The following UNC80 variants were observed in gnomAD, a reference collection of about 807,000 sequenced individuals.
The protein encoded by UNC80 is unc-80 subunit of NALCN channel complex, also known as protein unc-80 homolog.
UNC80 carries 164 observed loss-of-function variants against 384.6 expected under a neutral mutation model. That is an observed-to-expected ratio of 0.43 (90% CI 0.38 to 0.49). The LOEUF is 0.49. Among genes scored for constraint, UNC80 ranks in the 20% least tolerant of loss-of-function variants. The pLI is 0.00. For synonymous variants in UNC80, 1,486 were observed against 1,527.8 expected (o/e 0.97, Z 0.64); for missense variants, 3,330 against 4,143.0 (o/e 0.80, Z 5.39).
chr2:209,892,016 G>C (rs1318199311), intron 26 of UNC80, among the ~76,000 whole-genome samples: 1 of 152,172 alleles, frequency 6.6e-6, no homozygotes, highest in African/African-American at 2.4e-5. Flanking sequence ...GGAAATGTAT[G>C]CAAAGGGCAA....
chr2:209,939,713 TTA>T (rs2091498758), intron 43 of UNC80, 61 bp downstream of exon 43: 2 of 1,409,160 alleles, frequency 1.4e-6, no homozygotes, highest in Admixed American at 2.8e-5. Context: ...TTGTTTTTTT[TTA>T]AAATTTTATT....
At chr2:209,913,393 T>A (rs2089175334) in intron 30 of UNC80, among the ~76,000 whole-genome samples, 1 of 152,156 alleles carries the variant, frequency 6.6e-6, no homozygotes. Flanking sequence ...CACAATGGGC[T>A]TTTTCATCAG....
intron 25 of UNC80, among the ~76,000 whole-genome samples, chr2:209,882,087 C>T (rs1460144259): frequency 6.6e-6 from 1 of 151,684 alleles, no homozygotes; most frequent in East Asian, 1.9e-4. Flanking sequence ...CTGCCACAGC[C>T]TCCCGAGTAG....
At chr2:209,835,943 A>G (rs759698002) in intron 18 of UNC80, among the ~76,000 whole-genome samples, 5 of 152,208 alleles carry the variant, frequency 3.3e-5, no homozygotes, top group Non-Finnish European at 7.3e-5. Context: ...AGTAAACACA[A>G]ATTTGTGATA....
intron 35 of UNC80, among the ~76,000 whole-genome samples, chr2:209,925,851 A>C (rs1452831202): frequency 6.7e-6 from 1 of 149,936 alleles, no homozygotes; most frequent in East Asian, 1.9e-4. Flanking sequence ...TGACAGTATA[A>C]GTCTCTTAAC....
In UNC80 at chr2:209,904,963, G is replaced by T. The variant is rs1359092873; in HGVS notation, c.4780G>T (p.Glu1594Ter). The change falls in exon 29 of 65, where the codon GAA becomes TAA. Residue 1594 changes from glutamate (E) to a stop codon, truncating the protein, a stop_gained and splice_region_variant. Coordinates refer to ENST00000673920, the MANE Select transcript of UNC80 (RefSeq NM_001371986.1). LOFTEE classifies it high-confidence loss of function. Reference protein sequence around the residue: ...SVALRGKKQKECSDKSCLRTP... With the variant: ...SVALRGKKQK ...GGCTCTCCGGGGCAAGAAACAGAAA[G>T]AAGTAAGTAAATGACCATTGAATGA... The T allele has an allele frequency of 6.4e-7, 1 of 1,551,480 alleles. No homozygotes were observed. Among genetic ancestry groups the T allele is most frequent in the African/African-American group, 1.4e-5 (1 of 73,026 alleles).
chr2:209,980,429 G>A (rs1450038516), intron 59 of UNC80, among the ~76,000 whole-genome samples: 1 of 152,158 alleles, frequency 6.6e-6, no homozygotes, highest in Admixed American at 6.5e-5. Context: ...CTAACATACT[G>A]ATGAGGCAGC....
chr2:209,967,275 G>A (rs2092765818), intron 51 of UNC80, among the ~76,000 whole-genome samples, 162 bp from the exon 52 acceptor site: 1 of 152,102 alleles, frequency 6.6e-6, no homozygotes, highest in Admixed American at 6.5e-5. Flanking sequence ...CTGTTCTGAT[G>A]TGTGGGAGAG....
In UNC80 at chr2:209,880,956, C is replaced by A. The variant is rs376499490; in HGVS notation, c.3977-5C>A. ...TCCTTATGAAAGAACACTTTCATTT[C>A]CTAGGTACTGTGAACCCCTCTAAAT... is the stretch of plus-strand genomic sequence containing the variant. On this transcript the variant is annotated splice_polypyrimidine_tract_variant and splice_region_variant and intron_variant, in intron 24 of 64. Coordinates refer to ENST00000673920, the MANE Select transcript of UNC80 (RefSeq NM_001371986.1). The A allele has an allele frequency of 8.6e-5, 133 of 1,551,524 alleles. No homozygotes were observed. The African/African-American group carries it at 1.6e-3, about 19-fold the overall frequency.
rs546150230 is a variant in UNC80 at position 209,901,545 on chromosome 2, A to G, written c.4582-3220A>G. On this transcript the variant is annotated intron_variant, in intron 28 of 64. Transcript: ENST00000673920. Reference sequence around the variant, plus strand: ...CTGATGGAAGTGTGCAAGAAGATTAATGTTGCTTTCATGCCTGCTAATGCA... The same window carrying G: ...CTGATGGAAGTGTGCAAGAAGATTAGTGTTGCTTTCATGCCTGCTAATGCA... 2.0e-5 allele frequency among the ~76,000 whole-genome samples: 3 copies of G among 152,326 alleles called. No individual in the cohort carries two copies. In the South Asian group the frequency reaches 6.2e-4, roughly 32 times the overall value.
At chr2:209,995,280 C>T in intron 64 of UNC80, 49 bp from the exon 65 acceptor site, 3 of 1,540,326 alleles carry the variant, frequency 1.9e-6, no homozygotes, top group Non-Finnish European at 2.6e-6. Flanking sequence ...ATGTTCTTCT[C>T]TGGTACCCAT....
rs2091282917 is a variant in UNC80 at position 209,936,884 on chromosome 2, C to A, written c.6314C>A (p.Thr2105Lys). 3.2e-6 allele frequency: 5 copies of A among 1,550,976 alleles called. No homozygotes were observed. Among genetic ancestry groups the A allele is most frequent in the Non-Finnish European group, 4.4e-6 (5 of 1,146,406 alleles). The change falls in exon 41 of 65, where the codon ACA (threonine) becomes AAA (lysine). Residue 2105 changes from threonine to lysine, a missense_variant. Coordinates refer to ENST00000673920, the MANE Select transcript of UNC80 (RefSeq NM_001371986.1). Reference protein sequence around the residue: ...EFFNIPESQSTHYFLMDKRWN... With the variant: ...EFFNIPESQSKHYFLMDKRWN... ...TTTAATATCCCAGAATCCCAGTCAA[C>A]ACATTATTTTCTTATGGATAAACGA...
intron 7 of UNC80, chr2:209,809,343 G>T: frequency 1.2e-6 from 1 of 832,468 alleles, no homozygotes. Flanking sequence ...AAACCTGCGG[G>T]AAGGCCTTCT....
chr2:209,982,419 A>G (rs1356737788), intron 60 of UNC80, 102 bp downstream of exon 60: 10 of 1,353,336 alleles, frequency 7.4e-6, no homozygotes, highest in Non-Finnish European at 9.7e-6. Context: ...AGAAGCAAGC[A>G]ATGGTAATGT....
At position 209,888,257 on chromosome 2, in the gene UNC80, A is replaced by G; in HGVS notation, c.4273A>G (p.Lys1425Glu). ...ATCAGATGCAGGAGTCGAGGAGAAG[A>G]AAGGTATGGAAACACAAAGGTTCCT... Reference protein sequence around the residue: ...LKSDAGVEEKKVPSRKIRIGG... With the variant: ...LKSDAGVEEKEVPSRKIRIGG... Residue 1425 changes from lysine (K) to glutamate (E), a missense_variant, in exon 26 of 65, where the codon AAA becomes GAA. Coordinates refer to ENST00000673920, the MANE Select transcript of UNC80 (RefSeq NM_001371986.1). The G allele has an allele frequency of 6.4e-7, 1 of 1,551,616 alleles. No homozygotes were observed. Among genetic ancestry groups the G allele is most frequent in the Non-Finnish European group, 8.7e-7 (1 of 1,146,944 alleles).
chr2:209,956,077 T>C (rs953477166), intron 48 of UNC80, among the ~76,000 whole-genome samples: 1 of 152,032 alleles, frequency 6.6e-6, no homozygotes, highest in Non-Finnish European at 1.5e-5. Context: ...GTTAAAGCTT[T>C]CCTCATTTCT....
chr2:209,931,124 C>T, intron 38 of UNC80, 70 bp downstream of exon 38: 6 of 1,204,034 alleles, frequency 5.0e-6, no homozygotes, highest in Non-Finnish European at 7.0e-6. Context: ...AGATTTTTTT[C>T]AATAAATTTC....
intron 16 of UNC80, among the ~76,000 whole-genome samples, chr2:209,833,261 G>C (rs2081114879): frequency 8.0e-6 from 1 of 124,438 alleles, no homozygotes; most frequent in Non-Finnish European, 1.6e-5. Flanking sequence ...GCCTTGCCAT[G>C]AACTTTTCCT....
chr2:209,776,115 T>G, intron 3 of UNC80, 70 bp downstream of exon 3: 1 of 1,568,874 alleles, frequency 6.4e-7, no homozygotes, highest in East Asian at 2.3e-5. Flanking sequence ...CATAATAACC[T>G]GTACTGAGTA....
Sources: allele counts gnomAD v4.1 joint callset (sites outside exome capture counted in the v4.1 genomes callset), GRCh38; gene constraint gnomAD v4.1.1; transcripts MANE v1.5; gene names NCBI Gene and HGNC (gene_info 2026-07-23, HGNC 2026-07-21).